Variants in NAALADL2 observed in about 807,000 individuals in gnomAD.
NAALADL2 encodes the protein inactive N-acetylated-alpha-linked acidic dipeptidase-like protein 2.
NAALADL2 carries 76 observed loss-of-function variants against 87.2 expected under a neutral mutation model. That is an observed-to-expected ratio of 0.87 (90% CI 0.72 to 1.05). The LOEUF (loss-of-function observed/expected upper bound fraction) is 1.05, where lower values mean the gene tolerates loss of function less well. Ranked by LOEUF, NAALADL2 falls within the 50% of genes least tolerant of loss-of-function variation. The probability of loss-of-function intolerance (pLI) is 0.00; values close to 1 mark genes in which losing one functional copy is unlikely to be tolerated. For synonymous variants in NAALADL2, 354 were observed against 331.0 expected (o/e 1.07, Z -0.75); for missense variants, 1,089 against 945.8 (o/e 1.15, Z -1.99).
At chr3:175,048,204 A>G (rs1754915092) in intron 1 of NAALADL2, among the ~76,000 whole-genome samples, 3 of 151,672 alleles carry the variant, frequency 2.0e-5, no homozygotes, top group Non-Finnish European at 4.4e-5. Flanking sequence ...ATGTCAGGTA[A>G]AGGATTTTTG....
At chr3:174,869,956 A>G (rs1727599142) in intron 1 of NAALADL2, among the ~76,000 whole-genome samples, 1 of 141,608 alleles carries the variant, frequency 7.1e-6, no homozygotes. Flanking sequence ...AGATCACGCC[A>G]TTGCACCCCA....
At chr3:175,474,883 T>C (rs550048006) in intron 9 of NAALADL2, among the ~76,000 whole-genome samples, 103 of 152,170 alleles carry the variant, frequency 6.8e-4, no homozygotes, top group Non-Finnish European at 1.2e-3. Flanking sequence ...CGGTGGAGCC[T>C]TCTATTCCTC....
In NAALADL2 at chr3:174,675,988, C is replaced by T. The variant is rs368118673; in HGVS notation, c.-114-61653C>T. Among the ~76,000 whole-genome samples, 8 of 151,938 alleles carry T rather than the reference C, an allele frequency of 5.3e-5. No homozygotes were observed. The East Asian group carries it at 5.8e-4, about 11-fold the overall frequency. The stretch of plus-strand genomic sequence containing the variant: ...TTTATTTTTATTCAAGTATAGTGGT[C>T]GGGTCATGCCAAGTGTCTTCAAAGC... On this transcript the variant is annotated intron_variant, in intron 2 of 3. Transcript: ENST00000434257.
chr3:174,468,820 TG>T (rs1716703844), intron 1 of NAALADL2, among the ~76,000 whole-genome samples: 2 of 151,110 alleles, frequency 1.3e-5, no homozygotes, highest in Admixed American at 1.3e-4. Context: ...TGGAGTGCAG[TG>T]GCGCGATCTA....
intron 1 of NAALADL2, among the ~76,000 whole-genome samples, chr3:174,450,989 G>T (rs540350579): frequency 6.0e-5 from 9 of 150,860 alleles, no homozygotes; most frequent in Admixed American, 2.0e-4. Flanking sequence ...AATTTTAAAT[G>T]TTTTTTCAAA....
chr3:175,120,400 T>A (rs1215393790), intron 2 of NAALADL2, among the ~76,000 whole-genome samples: 1 of 151,822 alleles, frequency 6.6e-6, no homozygotes, highest in South Asian at 2.1e-4. Context: ...GCATCTGGTC[T>A]TCTGTATTTA....
At chr3:175,328,950 G>A (rs1428885982) in intron 5 of NAALADL2, among the ~76,000 whole-genome samples, 3 of 152,188 alleles carry the variant, frequency 2.0e-5, no homozygotes, top group Admixed American at 6.5e-5. Flanking sequence ...TTTCTCAGCA[G>A]TAAGATTGTC....
intron 2 of NAALADL2, among the ~76,000 whole-genome samples, chr3:174,554,777 C>T (rs1216260800): frequency 6.6e-6 from 1 of 151,420 alleles, no homozygotes; most frequent in Non-Finnish European, 1.5e-5. Flanking sequence ...AATTTTTTTC[C>T]TTTATGTTGT....
chr3:175,631,033 T>C (rs1043647509), intron 11 of NAALADL2, among the ~76,000 whole-genome samples: 3 of 151,444 alleles, frequency 2.0e-5, no homozygotes, highest in African/African-American at 7.3e-5. Flanking sequence ...TATTTTATAT[T>C]ACCTAATTAA....
At chr3:174,667,932 G>A (rs1726129676) in intron 2 of NAALADL2, among the ~76,000 whole-genome samples, 1 of 151,932 alleles carries the variant, frequency 6.6e-6, no homozygotes, top group African/African-American at 2.4e-5. Context: ...TTACTTTTTT[G>A]AGAAATCTTT....
intron 1 of NAALADL2, among the ~76,000 whole-genome samples, chr3:174,460,939 A>G (rs938007944): frequency 6.6e-6 from 1 of 151,762 alleles, no homozygotes; most frequent in South Asian, 2.1e-4. Context: ...TTCCCTCCCT[A>G]TTCTTTGTAA....
At chr3:175,355,022 A>ATATATG (rs1230276546) in intron 5 of NAALADL2, among the ~76,000 whole-genome samples, 8 of 139,438 alleles carry the variant, frequency 5.7e-5, no homozygotes, top group African/African-American at 2.2e-4. Context: ...CTATATATAT[A>ATATATG]TGTGTGTGTG....
chr3:175,793,179 A>C (rs1753005492), intron 13 of NAALADL2, among the ~76,000 whole-genome samples: 1 of 152,212 alleles, frequency 6.6e-6, no homozygotes, highest in South Asian at 2.1e-4. Flanking sequence ...CTTTTCTCCT[A>C]AACAATAAAG....
chr3:174,984,372 T>G (rs896281135), intron 1 of NAALADL2, among the ~76,000 whole-genome samples: 8 of 152,216 alleles, frequency 5.3e-5, no homozygotes, highest in African/African-American at 1.9e-4. Context: ...AAAACTGGGT[T>G]GCTAGTCTAC....
chr3:174,877,830 G>A (rs962329207), intron 1 of NAALADL2, among the ~76,000 whole-genome samples: 9 of 151,938 alleles, frequency 5.9e-5, no homozygotes, highest in African/African-American at 2.2e-4. Context: ...AAGATGATAC[G>A]ATTTTTCCCC....
At chr3:175,428,484 A>C (rs1717197217) in intron 5 of NAALADL2, among the ~76,000 whole-genome samples, 1 of 152,082 alleles carries the variant, frequency 6.6e-6, no homozygotes, top group South Asian at 2.1e-4. Context: ...GGCTAGTTGG[A>C]GGATGAGGTT....
At chr3:175,734,280 C>A (rs112520982) in intron 11 of NAALADL2, among the ~76,000 whole-genome samples, 2 of 151,910 alleles carry the variant, frequency 1.3e-5, no homozygotes, top group African/African-American at 4.8e-5. Context: ...GTGGGCTGGG[C>A]GCGGTGGCTC....
In NAALADL2 at chr3:175,256,352, A is replaced by C. The variant is rs112487116; in HGVS notation, c.820-59A>C. 132 of 1,496,228 alleles carry C rather than the reference A, an allele frequency of 8.8e-5. No individual in the cohort carries two copies. The African/African-American group carries it at 1.7e-3, about 19-fold the overall frequency. 92.7% of individuals were successfully genotyped at this position (1,496,228 alleles called of 1,614,324 possible). ...AATAATTTTGTTATACTAAATGGAC[A>C]ATTGGCTATACTTCTTCCTCTGAGG... On this transcript the variant is annotated intron_variant, in intron 3 of 13. Coordinates refer to ENST00000454872, the MANE Select transcript of NAALADL2 (RefSeq NM_207015.3).
chr3:175,103,061 A>C (rs1203643947), intron 2 of NAALADL2, among the ~76,000 whole-genome samples: 4 of 150,460 alleles, frequency 2.7e-5, no homozygotes, highest in African/African-American at 4.9e-5. Context: ...GTGAGCCGAG[A>C]TCCACCACTG....
Sources: gnomAD v4.1 joint callset for allele counts (sites outside exome capture counted in the v4.1 genomes callset) on GRCh38, gnomAD v4.1.1 for gene constraint, MANE v1.5 for transcripts, NCBI Gene and HGNC (gene_info 2026-07-23, HGNC 2026-07-21) for gene names.